SLC35D2: variants seen among roughly 807,000 people sequenced by gnomAD.
The protein encoded by SLC35D2 is nucleotide sugar transporter SLC35D2.
In SLC35D2, 43 loss-of-function variants were observed where a neutral mutation model predicts 41.8. The observed-to-expected ratio is 1.03, with a 90% CI of 0.81 to 1.33. The LOEUF is 1.33. SLC35D2 is among the 40% of genes most tolerant of loss of function. The pLI is 0.00. For synonymous variants in SLC35D2, 150 were observed against 163.9 expected (o/e 0.92, Z 0.65); for missense variants, 380 against 408.4 (o/e 0.93, Z 0.60).
At chr9:96,364,890 T>C (rs531382589) in intron 2 of SLC35D2, among the ~76,000 whole-genome samples, 1 of 150,788 alleles carries the variant, frequency 6.6e-6, no homozygotes, top group African/African-American at 2.4e-5. Flanking sequence ...CTGTCTTTAC[T>C]AAAAAACAAA....
intron 1 of SLC35D2, among the ~76,000 whole-genome samples, chr9:96,372,553 A>G (rs1314571351): frequency 6.8e-6 from 1 of 146,672 alleles, no homozygotes; most frequent in Admixed American, 6.9e-5. Flanking sequence ...CTCCTCTCTG[A>G]GCTAAATAAT....
Position 96,321,199 on chromosome 9 carries a change from A to G in SLC35D2, c.*43T>C. The G allele has an allele frequency of 2.1e-6, 3 of 1,450,654 alleles. No homozygotes were observed. Among genetic ancestry groups the G allele is most frequent in the East Asian group, 4.5e-5 (2 of 44,038 alleles). The allele number at this position is 1,450,654 out of a possible 1,614,324, so 89.9% of individuals were successfully genotyped here. ...ACATTCCTACTGGGAATGCCCCCCC[A>G]GCCCGCAGTCACAAGTCAGTCTCCA... On this transcript the variant is annotated 3_prime_UTR_variant, in exon 12 of 12. Transcript: ENST00000253270.
intron 4 of SLC35D2, among the ~76,000 whole-genome samples, chr9:96,357,119 G>A (rs34506080): frequency 0.026 from 4,010 of 151,358 alleles, 77 homozygotes; most frequent in Middle Eastern, 0.056. Flanking sequence ...TGGAGGTTGC[G>A]GTGAGCCGAG....
At chr9:96,375,159 T>C (rs1436254341) in intron 1 of SLC35D2, among the ~76,000 whole-genome samples, 1 of 151,470 alleles carries the variant, frequency 6.6e-6, no homozygotes, top group Non-Finnish European at 1.5e-5. Context: ...GCCCGGCTAA[T>C]TTTTGTATTT....
chr9:96,364,477 T>C lies in SLC35D2; in HGVS notation c.266A>G (p.Lys89Arg). Residue 89 changes from lysine to arginine, a missense_variant, in exon 3 of 12, where the codon AAA becomes AGA. Lys to Arg is a conservative substitution (Grantham distance 26). Transcript: ENST00000253270. ...KIIHFPDFDK[K>R]IPVKLFPLPL... is the part of the protein sequence containing the mutation. ...TTCATTACTTACCTTTACAGGAATT[T>C]TCTTATCAAAATCAGGGAAGTGAAT... is the stretch of plus-strand genomic sequence containing the variant. 1.3e-6 allele frequency: 2 copies of C among 1,575,296 alleles called. No individual in the cohort carries two copies. The highest frequency in any genetic ancestry group is 2.2e-5 in the East Asian group (1 of 44,666).
At chr9:96,383,450 A>G (rs928554253) in intron 1 of SLC35D2, 27 bp downstream of exon 1, 2 of 1,497,282 alleles carry the variant, frequency 1.3e-6, no homozygotes, top group Non-Finnish European at 8.9e-7. Flanking sequence ...ACTCCCGCAG[A>G]CCCCCCGGCC....
intron 1 of SLC35D2, among the ~76,000 whole-genome samples, chr9:96,379,495 C>G (rs1182731265): frequency 1.3e-5 from 2 of 152,110 alleles, no homozygotes; most frequent in African/African-American, 4.8e-5. Flanking sequence ...CATTTGGTAC[C>G]CTGACCAGAA....
At chr9:96,327,917 C>G (rs547825869) in intron 9 of SLC35D2, among the ~76,000 whole-genome samples, 22 of 152,198 alleles carry the variant, frequency 1.4e-4, no homozygotes, top group Admixed American at 1.4e-3. Flanking sequence ...TCACCACTCC[C>G]AGCTTGCACT....
intron 1 of SLC35D2, among the ~76,000 whole-genome samples, chr9:96,371,474 C>CAAAAAAAAAAAAAAAAAAAAAAAAA (rs539576375): frequency 1.5e-4 from 7 of 46,648 alleles, no homozygotes; most frequent in African/African-American, 3.0e-4. Flanking sequence ...GACTCTGTCT[C>CAAAAAAAAAAAAAAAAAAAAAAAAA]AAAAAAAAAA....
intron 9 of SLC35D2, among the ~76,000 whole-genome samples, chr9:96,327,514 G>A (rs1828592654): frequency 6.6e-6 from 1 of 152,188 alleles, no homozygotes; most frequent in African/African-American, 2.4e-5. Context: ...AGCCAAGGGA[G>A]GAGAATCCCT....
chr9:96,316,965 C>A (rs887795317), downstream of SLC35D2, among the ~76,000 whole-genome samples: 1 of 151,894 alleles, frequency 6.6e-6, no homozygotes, highest in Non-Finnish European at 1.5e-5. Context: ...GGTGAAACCC[C>A]GTCTCTACTA....
chr9:96,318,333 T>C (rs1051835762), downstream of SLC35D2, among the ~76,000 whole-genome samples: 7 of 151,466 alleles, frequency 4.6e-5, no homozygotes, highest in Admixed American at 6.6e-5. Flanking sequence ...AATTTTTTAG[T>C]AGTGGTCCCA....
intron 4 of SLC35D2, chr9:96,357,485 T>C (rs1253419894): frequency 6.6e-6 from 1 of 152,104 alleles, no homozygotes; most frequent in Non-Finnish European, 1.5e-5. Context: ...CAGTGAGCCA[T>C]GATTGCACCA....
At chr9:96,359,201 G>A (rs938325921) in intron 4 of SLC35D2, among the ~76,000 whole-genome samples, 1 of 152,144 alleles carries the variant, frequency 6.6e-6, no homozygotes, top group Non-Finnish European at 1.5e-5. Flanking sequence ...CTACTGGGGA[G>A]GCTGAGGCTG....
At chr9:96,376,795 G>A (rs916694922) in intron 1 of SLC35D2, among the ~76,000 whole-genome samples, 2 of 151,438 alleles carry the variant, frequency 1.3e-5, no homozygotes, top group South Asian at 2.1e-4. Flanking sequence ...TAGTAGCGAC[G>A]GGGTTTCACC....
At chr9:96,369,378 T>A (rs1830594937) in intron 1 of SLC35D2, among the ~76,000 whole-genome samples, 1 of 152,136 alleles carries the variant, frequency 6.6e-6, no homozygotes, top group African/African-American at 2.4e-5. Flanking sequence ...CAGTGCGATC[T>A]CAGCAGAAAT....
intron 3 of SLC35D2, 50 bp downstream of exon 3, chr9:96,364,414 G>A: frequency 9.1e-7 from 1 of 1,100,438 alleles, no homozygotes; most frequent in Non-Finnish European, 1.4e-6. Flanking sequence ...TAAAATCAAT[G>A]TGTATTTTCA....
At chr9:96,324,727 T>C (rs1189403177) in intron 9 of SLC35D2, among the ~76,000 whole-genome samples, 1 of 152,054 alleles carries the variant, frequency 6.6e-6, no homozygotes, top group Admixed American at 6.6e-5. Context: ...TACTTTTTTT[T>C]GTATTTTAGT....
intron 9 of SLC35D2, among the ~76,000 whole-genome samples, chr9:96,326,196 T>G (rs4405041): frequency 0.67 from 101,521 of 152,106 alleles, 35,261 homozygotes; most frequent in East Asian, 0.87. Flanking sequence ...TGGTTTATTC[T>G]ATTTCAAAGA....
Sources: allele counts gnomAD v4.1 joint callset (sites outside exome capture counted in the v4.1 genomes callset), GRCh38; gene constraint gnomAD v4.1.1; transcripts MANE v1.5; gene names NCBI Gene and HGNC (gene_info 2026-07-23, HGNC 2026-07-21).